The following ABCC4 variants were observed in gnomAD, a reference collection of about 807,000 sequenced individuals.
ABCC4 encodes ATP binding cassette subfamily C member 4 (PEL blood group).
ABCC4 carries 102 observed loss-of-function variants against 168.5 expected under a neutral mutation model. The observed-to-expected ratio is 0.61, with a 90% CI of 0.52 to 0.71. The LOEUF (loss-of-function observed/expected upper bound fraction) is 0.71. Among genes scored for constraint, ABCC4 ranks in the 30% least tolerant of loss-of-function variants. The pLI is 0.00. For synonymous variants in ABCC4, 617 were observed against 590.7 expected, an observed-to-expected ratio of 1.04 and a Z score of -0.65; for missense variants, 1,402 against 1,605.8, an observed-to-expected ratio of 0.87 and a Z score of 2.17.
intron 8 of ABCC4, among the ~76,000 whole-genome samples, chr13:95,200,431 G>A (rs536373475): frequency 2.8e-4 from 42 of 152,250 alleles, no homozygotes; most frequent in African/African-American, 9.6e-4. Flanking sequence ...ACTTTCTAAA[G>A]ATATTGATTG....
At chr13:95,285,104 C>A (rs1010934367) in intron 1 of ABCC4, among the ~76,000 whole-genome samples, 1 of 151,988 alleles carries the variant, frequency 6.6e-6, no homozygotes, top group Non-Finnish European at 1.5e-5. Context: ...AAAAGTAAGC[C>A]AGACATGGTG....
chr13:95,075,368 G>A, intron 22 of ABCC4, 64 bp downstream of exon 22: 2 of 1,606,424 alleles, frequency 1.2e-6, no homozygotes, highest in Non-Finnish European at 1.7e-6. Flanking sequence ...ATCTGACCAG[G>A]GAGGTTAAGC....
intron 1 of ABCC4, among the ~76,000 whole-genome samples, chr13:95,298,987 G>A (rs2041606464): frequency 6.6e-6 from 1 of 152,092 alleles, no homozygotes; most frequent in East Asian, 1.9e-4. Context: ...GGAGGCAGGA[G>A]TCACATCTGT....
At chr13:95,124,903 A>AAAT (rs1218297811) in intron 19 of ABCC4, among the ~76,000 whole-genome samples, 1 of 151,174 alleles carries the variant, frequency 6.6e-6, no homozygotes, top group Non-Finnish European at 1.5e-5. Flanking sequence ...TAAAATAAAA[A>AAAT]AATAATAATA....
At chr13:95,061,495 C>A (rs1407570716) in intron 26 of ABCC4, among the ~76,000 whole-genome samples, 2 of 152,004 alleles carry the variant, frequency 1.3e-5, no homozygotes, top group African/African-American at 4.8e-5. Context: ...ACTAAACAGG[C>A]ATTGAAGAGT....
At chr13:95,203,647 C>T (rs2038695567) in intron 8 of ABCC4, among the ~76,000 whole-genome samples, 1 of 152,050 alleles carries the variant, frequency 6.6e-6, no homozygotes, top group African/African-American at 2.4e-5. Context: ...TGTAAGCCAC[C>T]GCGCCTGGCC....
In ABCC4 at chr13:95,249,029, A is replaced by C. The variant is rs544014427; in HGVS notation, c.75-1276T>G. 3.3e-5 allele frequency among the ~76,000 whole-genome samples: 5 copies of C among 152,262 alleles called. No homozygotes were observed. In the East Asian group the frequency reaches 9.6e-4, roughly 29 times the overall value. On this transcript the variant is annotated intron_variant, in intron 1 of 30. Coordinates refer to ENST00000645237, the MANE Select transcript of ABCC4 (RefSeq NM_005845.5). The stretch of plus-strand genomic sequence containing the variant: ...GCACTCCAGTCTGGGCAACAGAGTG[A>C]GACTATCTCAAAACAATAAAAAATA...
intron 19 of ABCC4, among the ~76,000 whole-genome samples, chr13:95,137,407 G>C (rs2036176005): frequency 6.6e-6 from 1 of 152,088 alleles, no homozygotes; most frequent in African/African-American, 2.4e-5. Context: ...AAAAAGTCTT[G>C]CTGTTTCCCA....
chr13:95,112,560 T>A (rs1184758316), intron 20 of ABCC4, among the ~76,000 whole-genome samples: 1 of 152,214 alleles, frequency 6.6e-6, no homozygotes, highest in Non-Finnish European at 1.5e-5. Context: ...TTACTATACA[T>A]CCTGCCAAAG....
intron 4 of ABCC4, among the ~76,000 whole-genome samples, chr13:95,228,088 A>G (rs1209437209): frequency 1.3e-5 from 2 of 152,206 alleles, no homozygotes; most frequent in Non-Finnish European, 2.9e-5. Flanking sequence ...AATAGCTTTA[A>G]ATAAAAACAA....
intron 11 of ABCC4, among the ~76,000 whole-genome samples, chr13:95,184,365 T>C (rs570775294): frequency 2.8e-4 from 43 of 152,334 alleles, no homozygotes; most frequent in African/African-American, 1.0e-3. Flanking sequence ...TGTCCCACAT[T>C]CTACCTTTTT....
At chr13:95,057,735 A>G (rs1455444792) in intron 26 of ABCC4, among the ~76,000 whole-genome samples, 1 of 151,892 alleles carries the variant, frequency 6.6e-6, no homozygotes, top group African/African-American at 2.4e-5. Context: ...GAACACAGAA[A>G]CTCGTGCTCC....
At chr13:95,179,441 A>G (rs1305104845) in intron 11 of ABCC4, among the ~76,000 whole-genome samples, 1 of 152,234 alleles carries the variant, frequency 6.6e-6, no homozygotes, top group African/African-American at 2.4e-5. Flanking sequence ...AAAGCTAGGA[A>G]GGAAAACAAG....
chr13:95,252,759 C>A (rs1009969924), intron 1 of ABCC4, among the ~76,000 whole-genome samples: 2 of 152,216 alleles, frequency 1.3e-5, no homozygotes, highest in Non-Finnish European at 2.9e-5. Context: ...CTTTAGGCAG[C>A]CACTGAGGTG....
intron 1 of ABCC4, among the ~76,000 whole-genome samples, chr13:95,300,008 A>C (rs1187524587): frequency 6.6e-6 from 1 of 152,080 alleles, no homozygotes; most frequent in Admixed American, 6.6e-5. Context: ...CACCCGGCTA[A>C]TTTTTGTATT....
intron 19 of ABCC4, among the ~76,000 whole-genome samples, chr13:95,119,986 C>T (rs1326577203): frequency 2.0e-5 from 3 of 152,154 alleles, no homozygotes; most frequent in Non-Finnish European, 2.9e-5. Context: ...TGCCTCTTTG[C>T]TTTTTCAGTA....
At chr13:95,079,687 T>C (rs532255752) in intron 21 of ABCC4, among the ~76,000 whole-genome samples, 1 of 152,152 alleles carries the variant, frequency 6.6e-6, no homozygotes, top group East Asian at 1.9e-4. Context: ...ATACAAAAAT[T>C]AGCCAGGTGT....
At chr13:95,225,143 TCTCTCTCTCTCA>T (rs1404743322) in intron 4 of ABCC4, among the ~76,000 whole-genome samples, 972 of 49,226 alleles carry the variant, frequency 0.02, 8 homozygotes, top group African/African-American at 0.063. Flanking sequence ...TCTGTCTGTC[TCTCTCTCTCTCA>T]CACACACACA....
At chr13:95,289,382 A>G (rs1291432749) in intron 1 of ABCC4, among the ~76,000 whole-genome samples, 2 of 152,150 alleles carry the variant, frequency 1.3e-5, no homozygotes, top group Non-Finnish European at 2.9e-5. Flanking sequence ...ATGCTTTGGA[A>G]TTTGTCAGAC....
Sources: gnomAD v4.1 joint callset for allele counts (sites outside exome capture counted in the v4.1 genomes callset) on GRCh38, gnomAD v4.1.1 for gene constraint, MANE v1.5 for transcripts, NCBI Gene and HGNC (gene_info 2026-07-23, HGNC 2026-07-21) for gene names.